Variants in PHACTR1 observed in about 807,000 individuals in gnomAD.
The protein encoded by PHACTR1 is phosphatase and actin regulator 1, also known as RPEL repeat containing 1.
A neutral mutation model predicts 69.2 loss-of-function variants in PHACTR1; 16 were observed. The ratio of observed to expected loss-of-function variants is 0.23; its 90% CI spans 0.16 to 0.35. The LOEUF is 0.35. Among genes scored for constraint, PHACTR1 ranks in the 10% least tolerant of loss-of-function variants. The pLI is 1.00. For missense variants in PHACTR1, 510 were observed against 734.7 expected (o/e 0.69, Z 3.54); for synonymous variants, 312 against 284.5 (o/e 1.10, Z -0.97).
intron 4 of PHACTR1, among the ~76,000 whole-genome samples, chr6:12,849,223 G>T (rs1006907960): frequency 2.0e-5 from 3 of 152,194 alleles, no homozygotes; most frequent in South Asian, 2.1e-4. Flanking sequence ...AGGCCTTGCC[G>T]CAATGCCAGT....
At chr6:12,861,526 G>A (rs1455746542) in intron 4 of PHACTR1, among the ~76,000 whole-genome samples, 2 of 152,188 alleles carry the variant, frequency 1.3e-5, no homozygotes, top group African/African-American at 4.8e-5. Context: ...CTTTACCAAT[G>A]ACTTCCCATC....
intron 10 of PHACTR1, among the ~76,000 whole-genome samples, chr6:13,232,975 G>C (rs1037398961): frequency 3.3e-5 from 5 of 152,358 alleles, no homozygotes; most frequent in African/African-American, 9.6e-5. Flanking sequence ...TGAGATGCCA[G>C]AGCATCTGGC....
chr6:12,800,326 C>T (rs1292573547), intron 4 of PHACTR1, among the ~76,000 whole-genome samples: 1 of 152,162 alleles, frequency 6.6e-6, no homozygotes, highest in Non-Finnish European at 1.5e-5. Context: ...GGGCACTTCA[C>T]CAAAAGGCTA....
chr6:12,898,356 C>A (rs1022420893), intron 4 of PHACTR1, among the ~76,000 whole-genome samples: 1 of 88,790 alleles, frequency 1.1e-5, no homozygotes, highest in Non-Finnish European at 2.8e-5. Context: ...TCGAGCTTGC[C>A]CTCCTCAATC....
chr6:12,970,313 TA>T (rs1273227731), intron 4 of PHACTR1, among the ~76,000 whole-genome samples: 1 of 152,210 alleles, frequency 6.6e-6, no homozygotes, highest in Non-Finnish European at 1.5e-5. Context: ...TTTCTGATAA[TA>T]AAACTATGGC....
intron 6 of PHACTR1, among the ~76,000 whole-genome samples, chr6:13,177,392 T>C (rs913740742): frequency 1.1e-4 from 16 of 147,956 alleles, no homozygotes; most frequent in East Asian, 4.0e-4. Context: ...TATATATATA[T>C]ACACACACAC....
chr6:12,814,765 C>A (rs886770297), intron 4 of PHACTR1, among the ~76,000 whole-genome samples: 1 of 152,146 alleles, frequency 6.6e-6, no homozygotes, highest in African/African-American at 2.4e-5. Context: ...TCCCTTGAGA[C>A]AATATGTTTT....
At chr6:12,860,086 G>A (rs901946690) in intron 4 of PHACTR1, among the ~76,000 whole-genome samples, 3 of 151,988 alleles carry the variant, frequency 2.0e-5, no homozygotes, top group Middle Eastern at 6.8e-3. Context: ...ATGTGCCATC[G>A]TGGTTTGCTA....
intron 5 of PHACTR1, among the ~76,000 whole-genome samples, chr6:13,059,043 A>C (rs1807253812): frequency 6.6e-6 from 1 of 152,158 alleles, no homozygotes; most frequent in Non-Finnish European, 1.5e-5. Flanking sequence ...GGAACAAATG[A>C]CTTAGTAATG....
intron 3 of PHACTR1, among the ~76,000 whole-genome samples, chr6:12,720,484 C>T (rs1761972487): frequency 6.6e-6 from 1 of 152,128 alleles, no homozygotes; most frequent in Admixed American, 6.5e-5. Context: ...TGGTTTTCAG[C>T]AGATGGAGCT....
At chr6:12,940,704 G>T (rs1789971191) in intron 4 of PHACTR1, among the ~76,000 whole-genome samples, 1 of 152,188 alleles carries the variant, frequency 6.6e-6, no homozygotes, top group South Asian at 2.1e-4. Flanking sequence ...AGATTTTTAT[G>T]TTGATCTTCA....
intron 4 of PHACTR1, among the ~76,000 whole-genome samples, chr6:12,836,738 G>A (rs1343879760): frequency 6.6e-6 from 1 of 152,096 alleles, no homozygotes; most frequent in Non-Finnish European, 1.5e-5. Flanking sequence ...TGTAGACCCA[G>A]CTACAAAATT....
At chr6:12,761,058 A>G (rs1767968608) in intron 4 of PHACTR1, among the ~76,000 whole-genome samples, 2 of 152,216 alleles carry the variant, frequency 1.3e-5, no homozygotes, top group African/African-American at 2.4e-5. Context: ...CCAAAACCCA[A>G]GTCTGCTGCT....
chr6:13,184,776 G>A (rs779279361), intron 7 of PHACTR1: 19 of 1,361,916 alleles, frequency 1.4e-5, no homozygotes, highest in African/African-American at 1.5e-5. Context: ...TGTCTCCTGT[G>A]TATCATGTGG....
rs112708665 is a variant in PHACTR1 at position 12,739,377 on chromosome 6, A to T, written c.104-10267A>T. 8.4e-3 allele frequency among the ~76,000 whole-genome samples: 1,282 copies of T among 152,338 alleles called. 28 individuals carry two copies. Among genetic ancestry groups the T allele is most frequent in the African/African-American group, 0.03 (1,232 of 41,570 alleles). ...TTGAAATAATAAAATGCTGATATGT[A>T]TAAAGACAGCCCAAGTCATCAATAC... On this transcript the variant is annotated intron_variant, in intron 3 of 14. Coordinates refer to ENST00000332995, the MANE Select transcript of PHACTR1 (RefSeq NM_030948.6).
chr6:12,797,047 G>GAA (rs1773105652), intron 4 of PHACTR1, among the ~76,000 whole-genome samples: 1 of 151,536 alleles, frequency 6.6e-6, no homozygotes, highest in Non-Finnish European at 1.5e-5. Context: ...GTGTGAGAGA[G>GAA]AGAGAGAGAG....
At chr6:12,801,107 G>T (rs1773644202) in intron 4 of PHACTR1, among the ~76,000 whole-genome samples, 1 of 152,138 alleles carries the variant, frequency 6.6e-6, no homozygotes, top group Admixed American at 6.5e-5. Context: ...TAGATGTAAT[G>T]ATATGTGCCT....
intron 5 of PHACTR1, among the ~76,000 whole-genome samples, chr6:13,075,302 C>T (rs1037018304): frequency 3.9e-5 from 6 of 152,020 alleles, no homozygotes; most frequent in African/African-American, 1.2e-4. Flanking sequence ...GCAACTTGCC[C>T]CAAGGTCGCG....
intron 6 of PHACTR1, among the ~76,000 whole-genome samples, chr6:13,164,480 C>G (rs1046099489): frequency 6.6e-6 from 1 of 152,158 alleles, no homozygotes; most frequent in Non-Finnish European, 1.5e-5. Flanking sequence ...TGACAGCTGC[C>G]GCATTGATTT....
Sources: gnomAD v4.1 joint callset for allele counts (sites outside exome capture counted in the v4.1 genomes callset) on GRCh38, gnomAD v4.1.1 for gene constraint, MANE v1.5 for transcripts, NCBI Gene and HGNC (gene_info 2026-07-23, HGNC 2026-07-21) for gene names.